The following TMX3 variants were observed in gnomAD, a reference collection of about 807,000 sequenced individuals.
TMX3 encodes the protein protein disulfide-isomerase TMX3.
In TMX3, 40 loss-of-function variants were observed where a neutral mutation model predicts 64.4. The observed-to-expected ratio is 0.62, with a 90% CI of 0.48 to 0.81. The LOEUF (loss-of-function observed/expected upper bound fraction) is 0.81, where lower values mean the gene tolerates loss of function less well. TMX3 is among the 30% of genes least tolerant of loss of function. TMX3 has a pLI of 0.00. For synonymous variants in TMX3, 189 were observed against 175.7 expected (o/e 1.08, Z -0.60); for missense variants, 497 against 534.5 (o/e 0.93, Z 0.69).
intron 4 of TMX3, among the ~76,000 whole-genome samples, chr18:68,708,422 A>G (rs975155944): frequency 4.6e-5 from 7 of 152,116 alleles, no homozygotes; most frequent in African/African-American, 1.7e-4. Flanking sequence ...GTGGTAGCAT[A>G]GTTCAGCAAC....
Position 68,709,725 on chromosome 18 carries a change from T to G in TMX3, c.265+296A>C, listed in dbSNP as rs559887766. ...GAAAAAAACGGATTCTGAACTCAAG[T>G]AGCAATATCAATAGTTTAACACTCA... On this transcript the variant is annotated intron_variant, in intron 4 of 15. Transcript: ENST00000299608. 1.4e-4 allele frequency among the ~76,000 whole-genome samples: 22 copies of G among 152,234 alleles called. No homozygotes were observed. The South Asian group carries it at 4.6e-3, about 32-fold the overall frequency.
chr18:68,713,120 T>A (rs1301900837), intron 2 of TMX3, among the ~76,000 whole-genome samples: 1 of 151,934 alleles, frequency 6.6e-6, no homozygotes, highest in East Asian at 1.9e-4. Context: ...TCTCATTTCC[T>A]ACAGCACTGA....
At chr18:68,681,614 A>C in intron 13 of TMX3, 1 of 985,426 alleles carries the variant, frequency 1.0e-6, no homozygotes, top group South Asian at 4.7e-5. Context: ...AAGATGATGA[A>C]TGTTACTTCA....
rs1913003680 is a variant in TMX3 at position 68,677,155 on chromosome 18, G to A, written c.1143C>T (p.Leu381=). 1 of 1,613,672 alleles carries A rather than the reference G, an allele frequency of 6.2e-7. No individual in the cohort carries two copies. The highest frequency in any genetic ancestry group is 2.2e-5 in the East Asian group (1 of 44,874). The part of the protein sequence containing the change: ...FKSSPLMGCF[L]FGLPLGVISI... ...TGATGACACCCAGTGGCAGGCCAAA[G>A]AGAAAGCAGCCCATCAGTGGTGAGC... Residue 381 remains leucine (L), a synonymous_variant, in exon 16 of 16, where the codon CTC becomes CTT. Coordinates refer to ENST00000299608, the MANE Select transcript of TMX3 (RefSeq NM_019022.5).
intron 8 of TMX3, among the ~76,000 whole-genome samples, chr18:68,696,319 G>A (rs1054175460): frequency 2.8e-4 from 43 of 151,386 alleles, no homozygotes; most frequent in African/African-American, 8.3e-4. Flanking sequence ...GATTACAGGC[G>A]TGCGCCACCA....
chr18:68,711,403 C>A lies in TMX3; in HGVS notation c.102G>T (p.Ser34=), dbSNP rs1411473813. Residue 34 remains serine, a splice_region_variant and synonymous_variant, in exon 3 of 16, where the codon TCG becomes TCT. Transcript: ENST00000299608. ...TGTCATCATTTCGATTTTCTTTAAACCTAAAAAACAAGAAAACAAATGTTT... is the reference window on the plus strand; with the variant it reads ...TGTCATCATTTCGATTTTCTTTAAAACTAAAAAACAAGAAAACAAATGTTT... ...CKGFVEDLDE[S]FKENRNDDIW... 7 of 1,585,244 alleles carry A rather than the reference C, an allele frequency of 4.4e-6. No homozygotes were observed. Among genetic ancestry groups the A allele is most frequent in the Non-Finnish European group, 4.3e-6 (5 of 1,161,134 alleles).
At chr18:68,682,709 T>C (rs1599298854) in intron 13 of TMX3, among the ~76,000 whole-genome samples, 1 of 107,430 alleles carries the variant, frequency 9.3e-6, no homozygotes. Flanking sequence ...CAGGAGATAA[T>C]TTTTTTTTTT....
chr18:68,703,384 T>C (rs1009990180), intron 4 of TMX3, among the ~76,000 whole-genome samples: 4 of 152,024 alleles, frequency 2.6e-5, no homozygotes, highest in Non-Finnish European at 5.9e-5. Context: ...ATAAAGAAAA[T>C]ACAGTATGCA....
intron 4 of TMX3, among the ~76,000 whole-genome samples, chr18:68,708,534 C>A (rs905645233): frequency 6.6e-6 from 1 of 151,996 alleles, no homozygotes; most frequent in African/African-American, 2.4e-5. Context: ...TGAAAATTAC[C>A]GTTTCCATTG....
At chr18:68,684,165 A>C in intron 12 of TMX3, 25 bp downstream of exon 12, 1 of 1,557,074 alleles carries the variant, frequency 6.4e-7, no homozygotes, top group Non-Finnish European at 8.8e-7. Flanking sequence ...AAAATAAAGG[A>C]ATCTCTCAGA....
At chr18:68,692,384 T>C (rs309226) in intron 8 of TMX3, among the ~76,000 whole-genome samples, 23,233 of 152,134 alleles carry the variant, frequency 0.15, 2,304 homozygotes, top group African/African-American at 0.28. Flanking sequence ...TCCTCTCCCG[T>C]GTGTTTTTTT....
At position 68,680,990 on chromosome 18, in the gene TMX3, G is replaced by T. The variant is rs1274718276; in HGVS notation, c.1026C>A (p.Gly342=). The T allele has an allele frequency of 6.3e-7, 1 of 1,588,018 alleles. No individual in the cohort carries two copies. The highest frequency in any genetic ancestry group is 1.4e-5 in the African/African-American group (1 of 73,784). Reference sequence around the variant, plus strand: ...GAAGTGAACAACTTACTTCTACTGTGCCATCCAAAATGTTATTAATAAACT... The same window carrying T: ...GAAGTGAACAACTTACTTCTACTGTTCCATCCAAAATGTTATTAATAAACT... The part of the protein sequence containing the change: ...MVQFINNILD[G]TVEAQGGDSI... Residue 342 remains glycine, a synonymous_variant, in exon 14 of 16, where the codon GGC becomes GGA. Transcript: ENST00000299608.
chr18:68,698,888 A>G (rs8096633), intron 6 of TMX3, among the ~76,000 whole-genome samples: 8,813 of 150,210 alleles, frequency 0.059, 565 homozygotes, highest in African/African-American at 0.16. Context: ...CGGGCGTGGT[A>G]GCGGGCGCCT....
intron 4 of TMX3, among the ~76,000 whole-genome samples, chr18:68,708,866 G>T (rs1030396029): frequency 6.6e-6 from 1 of 152,090 alleles, no homozygotes; most frequent in African/African-American, 2.4e-5. Context: ...ACAACCTTGA[G>T]GATTATTACT....
At chr18:68,681,461 T>C (rs1913427623) in intron 13 of TMX3, 2 of 984,952 alleles carry the variant, frequency 2.0e-6, no homozygotes, top group Non-Finnish European at 1.2e-6. Context: ...CCTTTAATAA[T>C]TGTATAGATA....
intron 4 of TMX3, among the ~76,000 whole-genome samples, chr18:68,704,858 G>C (rs1431854514): frequency 6.6e-6 from 1 of 152,078 alleles, no homozygotes; most frequent in Non-Finnish European, 1.5e-5. Flanking sequence ...TTGGATACTA[G>C]GCCTAATTCT....
At chr18:68,686,153 G>C (rs1009460288) in intron 10 of TMX3, among the ~76,000 whole-genome samples, 5 of 152,096 alleles carry the variant, frequency 3.3e-5, no homozygotes, top group Admixed American at 2.0e-4. Context: ...GGCTGCTATG[G>C]TGCTAGCATC....
At chr18:68,708,494 C>T (rs1234342990) in intron 4 of TMX3, among the ~76,000 whole-genome samples, 1 of 152,132 alleles carries the variant, frequency 6.6e-6, no homozygotes, top group Non-Finnish European at 1.5e-5. Context: ...CAATCTGTTA[C>T]TTCTGTGATT....
intron 9 of TMX3, among the ~76,000 whole-genome samples, chr18:68,690,747 T>G (rs1914440104): frequency 6.6e-6 from 1 of 152,212 alleles, no homozygotes; most frequent in African/African-American, 2.4e-5. Flanking sequence ...GTGTTTAACT[T>G]CGGTGATGGG....
Sources: allele counts gnomAD v4.1 joint callset (sites outside exome capture counted in the v4.1 genomes callset), GRCh38; gene constraint gnomAD v4.1.1; transcripts MANE v1.5; gene names NCBI Gene and HGNC (gene_info 2026-07-23, HGNC 2026-07-21).